Variants in GRIP1 observed in about 807,000 individuals in gnomAD.
GRIP1 encodes glutamate receptor interacting protein 1.
A neutral mutation model predicts 129.9 loss-of-function variants in GRIP1; 45 were observed. That is an observed-to-expected ratio of 0.35 (90% confidence interval 0.27 to 0.44). The LOEUF (loss-of-function observed/expected upper bound fraction) is 0.44, where lower values mean the gene tolerates loss of function less well. Among genes scored for constraint, GRIP1 ranks in the 20% least tolerant of loss-of-function variants. GRIP1 has a pLI of 1.00. For missense variants in GRIP1, 1,196 were observed against 1,396.8 expected (o/e 0.86, Z 2.29); for synonymous variants, 530 against 520.8 (o/e 1.02, Z -0.24).
chr12:66,880,853 A>C (rs1391513558), intron 1 of GRIP1, among the ~76,000 whole-genome samples: 3 of 152,164 alleles, frequency 2.0e-5, no homozygotes, highest in African/African-American at 7.2e-5. Context: ...ATGTTTCCTA[A>C]GGTTCATTTA....
chr12:67,056,925 C>T (rs7959866), intron 1 of GRIP1, among the ~76,000 whole-genome samples: 117,949 of 152,004 alleles, frequency 0.78, 47,389 homozygotes, highest in South Asian at 0.89. Flanking sequence ...ATTCTCCTGC[C>T]TCAATCTCCC....
At chr12:66,830,457 A>C (rs1339338368) in intron 1 of GRIP1, among the ~76,000 whole-genome samples, 1 of 152,174 alleles carries the variant, frequency 6.6e-6, no homozygotes, top group Non-Finnish European at 1.5e-5. Flanking sequence ...GCCTGCAGAC[A>C]GATGAGGGGC....
chr12:66,763,680 T>A (rs142688322), intron 1 of GRIP1, among the ~76,000 whole-genome samples: 1 of 152,096 alleles, frequency 6.6e-6, no homozygotes, highest in Non-Finnish European at 1.5e-5. Flanking sequence ...AAATAAAACA[T>A]AGATTAATGT....
chr12:66,406,383 A>G lies in GRIP1; in HGVS notation c.1884T>C (p.Asn628=), dbSNP rs766089378. The G allele has an allele frequency of 2.2e-5, 35 of 1,614,010 alleles. No homozygotes were observed. The South Asian group carries it at 3.5e-4, about 16-fold the overall frequency. Residue 628 remains asparagine (N), a synonymous_variant, in exon 16 of 25, where the codon AAT becomes AAC. Coordinates refer to ENST00000359742, the MANE Select transcript of GRIP1 (RefSeq NM_001366722.1). Reference sequence around the variant, plus strand: ...CCATGGAACAGTTGTCCAGCCGGATATTATCTATTGCGAGCAATTTATCCC... The same window carrying G: ...CCATGGAACAGTTGTCCAGCCGGATGTTATCTATTGCGAGCAATTTATCCC... ...ELGDKLLAID[N]IRLDNCSMED...
chr12:66,924,642 C>T (rs576361004), intron 1 of GRIP1, among the ~76,000 whole-genome samples: 6 of 152,244 alleles, frequency 3.9e-5, no homozygotes, highest in South Asian at 2.1e-4. Flanking sequence ...ACAAAACAAA[C>T]GATGCCTCAC....
chr12:66,999,848 A>C (rs142800846), intron 1 of GRIP1, among the ~76,000 whole-genome samples: 5 of 152,292 alleles, frequency 3.3e-5, no homozygotes, highest in Admixed American at 1.3e-4. Flanking sequence ...GTAACAGATC[A>C]TCACACCTGC....
At chr12:67,013,667 G>A (rs1329032593) in intron 1 of GRIP1, among the ~76,000 whole-genome samples, 2 of 152,152 alleles carry the variant, frequency 1.3e-5, no homozygotes, top group African/African-American at 4.8e-5. Context: ...CTCCTACAGA[G>A]CTGAGGAAAC....
At chr12:66,972,802 A>G (rs1283901842) in intron 1 of GRIP1, among the ~76,000 whole-genome samples, 1 of 152,200 alleles carries the variant, frequency 6.6e-6, no homozygotes, top group Non-Finnish European at 1.5e-5. Flanking sequence ...CTAAGGTCCA[A>G]AGATGCTTTC....
chr12:66,874,538 C>A (rs1044635057), intron 1 of GRIP1, among the ~76,000 whole-genome samples: 1 of 151,974 alleles, frequency 6.6e-6, no homozygotes, highest in Non-Finnish European at 1.5e-5. Flanking sequence ...GCAGGATGTA[C>A]AGAAAGCATA....
chr12:66,492,046 A>G (rs531327242), intron 7 of GRIP1, among the ~76,000 whole-genome samples: 27 of 152,276 alleles, frequency 1.8e-4, no homozygotes, highest in African/African-American at 6.3e-4. Context: ...AAGAATTCCT[A>G]CTACTCATAT....
intron 1 of GRIP1, among the ~76,000 whole-genome samples, chr12:66,897,772 T>TA (rs2040775916): frequency 1.3e-5 from 2 of 152,250 alleles, no homozygotes; most frequent in Non-Finnish European, 2.9e-5. Flanking sequence ...ATGTATTTTT[T>TA]ACTGTGATTT....
At chr12:66,396,730 A>G (rs1401388188) in intron 16 of GRIP1, among the ~76,000 whole-genome samples, 1 of 152,218 alleles carries the variant, frequency 6.6e-6, no homozygotes, top group Non-Finnish European at 1.5e-5. Context: ...TGGAAACAGG[A>G]TGACATGATA....
intron 1 of GRIP1, among the ~76,000 whole-genome samples, chr12:66,891,557 C>T (rs1280467013): frequency 6.6e-6 from 1 of 152,194 alleles, no homozygotes; most frequent in African/African-American, 2.4e-5. Flanking sequence ...AGAGGAGTAT[C>T]TGCATCCTCC....
chr12:66,515,450 C>T (rs987782153), intron 7 of GRIP1, among the ~76,000 whole-genome samples, 169 bp downstream of exon 7: 18 of 152,234 alleles, frequency 1.2e-4, no homozygotes, highest in African/African-American at 4.3e-4. Flanking sequence ...CTGTAAAGTA[C>T]AGCCACTCAC....
intron 19 of GRIP1, among the ~76,000 whole-genome samples, chr12:66,390,192 C>A (rs927496884): frequency 3.9e-5 from 6 of 152,180 alleles, no homozygotes; most frequent in African/African-American, 1.4e-4. Context: ...GACCTGGCAC[C>A]AAGGGCTGCA....
intron 1 of GRIP1, among the ~76,000 whole-genome samples, chr12:66,772,869 G>A (rs1414873501): frequency 6.6e-6 from 1 of 152,132 alleles, no homozygotes; most frequent in Admixed American, 6.5e-5. Context: ...ACCCAAATTA[G>A]GCCTGAGCAC....
chr12:66,633,940 C>A (rs2031098775), intron 1 of GRIP1, among the ~76,000 whole-genome samples: 1 of 152,198 alleles, frequency 6.6e-6, no homozygotes. Flanking sequence ...TCCAGGATAA[C>A]CCTCAGGTGG....
chr12:66,373,381 G>A (rs938095619), intron 22 of GRIP1, among the ~76,000 whole-genome samples: 4 of 152,124 alleles, frequency 2.6e-5, no homozygotes, highest in Non-Finnish European at 5.9e-5. Flanking sequence ...AAGTCACCAC[G>A]CCTGGCCATT....
chr12:66,788,672 G>A (rs774164834), intron 1 of GRIP1, among the ~76,000 whole-genome samples: 12 of 152,010 alleles, frequency 7.9e-5, no homozygotes, highest in East Asian at 1.9e-4. Flanking sequence ...GGCATTTGCC[G>A]GGAGAAAAAG....
Sources: allele counts gnomAD v4.1 joint callset (sites outside exome capture counted in the v4.1 genomes callset), GRCh38; gene constraint gnomAD v4.1.1; transcripts MANE v1.5; gene names NCBI Gene and HGNC (gene_info 2026-07-23, HGNC 2026-07-21).